The following BCAS3 variants were observed in gnomAD, a reference collection of about 807,000 sequenced individuals.
The protein encoded by BCAS3 is BCAS4/BCAS3 fusion.
Under a neutral mutation model 116.1 loss-of-function variants are expected in BCAS3, and 53 were observed. The ratio of observed to expected loss-of-function variants is 0.46; its 90% confidence interval spans 0.37 to 0.57. BCAS3 has a LOEUF of 0.57. Among genes scored for constraint, BCAS3 ranks in the 20% least tolerant of loss-of-function variants. BCAS3 has a pLI of 0.00. For missense variants in BCAS3, 917 were observed against 1,165.4 expected, an observed-to-expected ratio of 0.79 and a Z score of 3.10; for synonymous variants, 391 against 408.2, an observed-to-expected ratio of 0.96 and a Z score of 0.51.
At position 61,380,364 on chromosome 17, in the gene BCAS3, G is replaced by T; in HGVS notation, c.2594-11613G>T. 1 of 713,298 alleles carries T rather than the reference G, an allele frequency of 1.4e-6. No individual in the cohort carries two copies. The highest frequency in any genetic ancestry group is 1.6e-5 in the South Asian group (1 of 60,644). The allele number at this position is 713,298 out of a possible 1,614,324, so 44.2% of individuals were successfully genotyped here. ...AAAACCCTAGATGTGCTGTGCCTGGGAACAGACCATGAACACCCCCGCAAA... is the reference window on the plus strand; with the variant it reads ...AAAACCCTAGATGTGCTGTGCCTGGTAACAGACCATGAACACCCCCGCAAA... On this transcript the variant is annotated intron_variant, in intron 23 of 23. Transcript: ENST00000407086. This position sits in a 1 kb window ranked among gnomAD's most constrained non-coding sequence, Gnocchi z 4.2.
rs2070546258 is a variant in BCAS3, at chr17:61,065,760, A to G, written c.2030-9160A>G. On this transcript the variant is annotated intron_variant, in intron 19 of 23. Transcript: ENST00000407086. This position sits in a 1 kb window ranked among gnomAD's most constrained non-coding sequence, Gnocchi z 4.8. The stretch of plus-strand genomic sequence containing the variant: ...TCTGGTCCTGAATCTGAAGAATTCC[A>G]CTGCCCATATAAAACTCAGCTGCCA... Among the ~76,000 whole-genome samples the G allele has an allele frequency of 6.6e-6, 1 of 152,196 alleles. No individual in the cohort carries two copies.
intron 6 of BCAS3, among the ~76,000 whole-genome samples, chr17:60,783,559 T>G (rs1445694353): frequency 6.6e-6 from 1 of 152,220 alleles, no homozygotes; most frequent in Non-Finnish European, 1.5e-5. Context: ...AGGGGCTATG[T>G]GAGAGATCTC....
At chr17:60,738,389 A>T (rs1350195299) in intron 5 of BCAS3, among the ~76,000 whole-genome samples, 1 of 152,166 alleles carries the variant, frequency 6.6e-6, no homozygotes, top group Admixed American at 6.6e-5. Flanking sequence ...GTTGTTAAGC[A>T]CATATGTAGT....
chr17:60,936,652 G>A (rs1344767013), intron 13 of BCAS3, among the ~76,000 whole-genome samples: 1 of 152,146 alleles, frequency 6.6e-6, no homozygotes, highest in Non-Finnish European at 1.5e-5. Flanking sequence ...CTGCATAAAT[G>A]TCTTCTTTTG....
At chr17:61,183,183 CTA>C (rs1326834145) in intron 22 of BCAS3, among the ~76,000 whole-genome samples, 1 of 152,062 alleles carries the variant, frequency 6.6e-6, no homozygotes, top group Non-Finnish European at 1.5e-5. Context: ...ATTTAAAAAT[CTA>C]TAGTTTCTTG....
chr17:61,258,418 T>A lies in BCAS3; in HGVS notation c.2426-109909T>A, dbSNP rs960535649. On this transcript the variant is annotated intron_variant, in intron 22 of 23. Transcript: ENST00000407086. This position sits in a 1 kb window ranked among gnomAD's most constrained non-coding sequence, Gnocchi z 4.7. The stretch of plus-strand genomic sequence containing the variant: ...AAGAACACAGGTTTTTAGAGGCAGG[T>A]TTATCTAGGTTTGAGTTGTGGGTCT... Among the ~76,000 whole-genome samples the A allele has an allele frequency of 8.5e-4, 129 of 152,294 alleles. No homozygotes were observed. Among genetic ancestry groups the A allele is most frequent in the Admixed American group, 2.5e-3 (39 of 15,300 alleles).
At chr17:61,164,471 A>G (rs144416062) in intron 22 of BCAS3, among the ~76,000 whole-genome samples, 1 of 152,110 alleles carries the variant, frequency 6.6e-6, no homozygotes, top group Non-Finnish European at 1.5e-5. Context: ...CCTGGACAAC[A>G]TACTGAGACC....
rs1036291803 is a variant in BCAS3, at chr17:61,136,718, C to T, written c.2425+52154C>T. ...GGGATTACAGGTGTGTGCCACCACA[C>T]GCAGCTAATTTTGCATTTTTAGTAG... On this transcript the variant is annotated intron_variant, in intron 22 of 23. Transcript: ENST00000407086. The surrounding 1 kb of genome is among the most constrained non-coding windows in gnomAD (Gnocchi z 4.4). 9.2e-5 allele frequency among the ~76,000 whole-genome samples: 14 copies of T among 152,164 alleles called. No individual in the cohort carries two copies. The highest frequency in any genetic ancestry group is 8.3e-4 in the South Asian group (4 of 4,820).
At position 61,233,969 on chromosome 17, in the gene BCAS3, A is replaced by G. The variant is rs2082842710; in HGVS notation, c.2426-134358A>G. 1.3e-5 allele frequency among the ~76,000 whole-genome samples: 2 copies of G among 150,442 alleles called. No individual in the cohort carries two copies. On this transcript the variant is annotated intron_variant, in intron 22 of 23. Transcript: ENST00000407086. The surrounding 1 kb of genome is among the most constrained non-coding windows in gnomAD (Gnocchi z 4.3). ...TTAATGTGAATTGAGTATTACTAAT[A>G]TCAGGTTTGGTTTTTTTTTTTTTCA...
At chr17:60,680,925 G>A (rs969071336) in intron 2 of BCAS3, among the ~76,000 whole-genome samples, 4 of 152,216 alleles carry the variant, frequency 2.6e-5, no homozygotes, top group Non-Finnish European at 2.9e-5. Flanking sequence ...AGAATTACAT[G>A]TGTGAGCCAC....
intron 6 of BCAS3, among the ~76,000 whole-genome samples, chr17:60,806,221 A>G (rs888823827): frequency 6.6e-6 from 1 of 152,076 alleles, no homozygotes; most frequent in African/African-American, 2.4e-5. Flanking sequence ...AATGACATTT[A>G]TGGAAAGGTA....
chr17:60,695,522 T>G (rs532166942), intron 4 of BCAS3, among the ~76,000 whole-genome samples: 1 of 152,244 alleles, frequency 6.6e-6, no homozygotes, highest in Non-Finnish European at 1.5e-5. Context: ...AAATATCTCT[T>G]CTAGTGGAAT....
chr17:60,973,586 A>ATAT lies in BCAS3; in HGVS notation c.1222-16385_1222-16384insTAT, dbSNP rs752524305. 1.2e-3 allele frequency among the ~76,000 whole-genome samples: 168 copies of ATAT among 137,950 alleles called. 7 individuals carry two copies. The highest frequency in any genetic ancestry group is 4.5e-3 in the African/African-American group (158 of 34,934). 90.5% of individuals were successfully genotyped at this position (137,950 alleles called of 152,430 possible). A position where few individuals can be genotyped will look rare whatever the true frequency, so the allele number is the denominator to read the frequency against. On this transcript the variant is annotated intron_variant, in intron 14 of 23. Transcript: ENST00000407086. The stretch of plus-strand genomic sequence containing the variant: ...TAGACATTGCTATTACCTTATTATT[A>ATAT]ATATATATATATATATATATATGTA...
intron 7 of BCAS3, among the ~76,000 whole-genome samples, chr17:60,860,984 T>C (rs2054109542): frequency 6.6e-6 from 1 of 152,188 alleles, no homozygotes; most frequent in Admixed American, 6.5e-5. Flanking sequence ...TCTTTTTTGG[T>C]CTCATATGAA....
intron 5 of BCAS3, among the ~76,000 whole-genome samples, chr17:60,710,493 G>A (rs1440480870): frequency 3.4e-5 from 5 of 148,868 alleles, no homozygotes; most frequent in Non-Finnish European, 5.9e-5. Flanking sequence ...GTGCAGTGGC[G>A]CAATCTCGGC....
rs995236267 is a variant in BCAS3, at chr17:60,725,648, A to G, written c.321+16323A>G. ...GGATTGCTGCTGGCATGTGGTAGGTAGAAGCCAGAGATACTGCTACACATC... is the reference window on the plus strand; with the variant it reads ...GGATTGCTGCTGGCATGTGGTAGGTGGAAGCCAGAGATACTGCTACACATC... On this transcript the variant is annotated intron_variant, in intron 5 of 23. Coordinates refer to ENST00000407086, the MANE Select transcript of BCAS3 (RefSeq NM_017679.5). Among the ~76,000 whole-genome samples, 6 of 152,132 alleles carry G rather than the reference A, an allele frequency of 3.9e-5. 1 individual carries two copies. Among genetic ancestry groups the G allele is most frequent in the Admixed American group, 3.3e-4 (5 of 15,270 alleles).
intron 14 of BCAS3, among the ~76,000 whole-genome samples, chr17:60,948,409 C>T (rs987010316): frequency 3.3e-5 from 5 of 152,168 alleles, no homozygotes; most frequent in African/African-American, 1.2e-4. Flanking sequence ...TAGGCATGAG[C>T]CACCGCGCCT....
chr17:60,716,051 C>T (rs1475097812), intron 5 of BCAS3, among the ~76,000 whole-genome samples: 3 of 151,560 alleles, frequency 2.0e-5, no homozygotes, highest in South Asian at 2.1e-4. Flanking sequence ...TTAGTAGAGA[C>T]GGGGTTTCAC....
intron 5 of BCAS3, among the ~76,000 whole-genome samples, chr17:60,739,561 A>G (rs1356718239): frequency 6.6e-6 from 1 of 152,104 alleles, no homozygotes; most frequent in Non-Finnish European, 1.5e-5. Context: ...CAGAGGTTGC[A>G]GTGAGCTGAG....
Sources: gnomAD v4.1 joint callset for allele counts (sites outside exome capture counted in the v4.1 genomes callset) on GRCh38, gnomAD v4.1.1 for gene constraint, Gnocchi (gnomAD v3.1) non-coding constraint, MANE v1.5 for transcripts, NCBI Gene and HGNC (gene_info 2026-07-23, HGNC 2026-07-21) for gene names.